The following DDX60 variants were observed in gnomAD, a reference collection of about 807,000 sequenced individuals.
DDX60 encodes probable ATP-dependent RNA helicase DDX60.
In DDX60, 165 loss-of-function variants were observed where a neutral mutation model predicts 212.8. The observed-to-expected ratio is 0.78, with a 90% CI of 0.68 to 0.88. DDX60 has a LOEUF of 0.88. Ranked by LOEUF, DDX60 falls within the 40% of genes least tolerant of loss-of-function variation. The pLI, the probability that DDX60 is intolerant of heterozygous loss-of-function variation, is 0.00. For synonymous variants in DDX60, 703 were observed against 685.3 expected, an observed-to-expected ratio of 1.03 and a Z score of -0.40; for missense variants, 1,905 against 2,003.9, an observed-to-expected ratio of 0.95 and a Z score of 0.94.
chr4:168,244,863 T>C lies in DDX60; in HGVS notation c.4164+1555A>G, dbSNP rs1733969824. On this transcript the variant is annotated intron_variant, in intron 30 of 37. Transcript: ENST00000393743. Reference sequence around the variant, plus strand: ...GACCATCAGTGATATGGAAGGTAAGTTTTATGTTTTCTCATAAAAAAAAAT... The same window carrying C: ...GACCATCAGTGATATGGAAGGTAAGCTTTATGTTTTCTCATAAAAAAAAAT... Among the ~76,000 whole-genome samples, 4 of 151,798 alleles carry C rather than the reference T, an allele frequency of 2.6e-5. No homozygotes were observed. The Admixed American group carries it at 2.6e-4, about 10-fold the overall frequency.
chr4:168,277,757 C>A (rs1049261228), intron 14 of DDX60, among the ~76,000 whole-genome samples: 1 of 143,578 alleles, frequency 7.0e-6, no homozygotes, highest in Non-Finnish European at 1.5e-5. Flanking sequence ...TGCAGTGAGC[C>A]GAGATAGTGC....
upstream of DDX60, among the ~76,000 whole-genome samples, chr4:168,319,017 A>C (rs1422655840): frequency 6.6e-6 from 1 of 152,228 alleles, no homozygotes; most frequent in Non-Finnish European, 1.5e-5. Flanking sequence ...AGTTAACAAT[A>C]ATGCATATTT....
chr4:168,272,020 C>T (rs2149519062), intron 19 of DDX60, 23 bp downstream of exon 19: 2 of 1,540,550 alleles, frequency 1.3e-6, no homozygotes, highest in Non-Finnish European at 8.8e-7. Context: ...GGGAATTAAG[C>T]AAAGAAAGAA....
chr4:168,309,121 C>T (rs1184525170), intron 3 of DDX60, among the ~76,000 whole-genome samples: 1 of 152,194 alleles, frequency 6.6e-6, no homozygotes, highest in East Asian at 1.9e-4. Flanking sequence ...TTTGTAGCCA[C>T]TTCTTGTTGT....
intron 37 of DDX60, among the ~76,000 whole-genome samples, chr4:168,217,543 C>T (rs1202676679): frequency 6.6e-6 from 1 of 152,052 alleles, no homozygotes; most frequent in Non-Finnish European, 1.5e-5. Flanking sequence ...CCCCAGAAAC[C>T]GATGAATAGG....
chr4:168,299,254 A>C (rs1736546483), intron 6 of DDX60, among the ~76,000 whole-genome samples: 2 of 152,004 alleles, frequency 1.3e-5, no homozygotes, highest in Admixed American at 1.3e-4. Context: ...AAGGAAATAC[A>C]AACTAAAATT....
At chr4:168,277,604 G>A (rs950962631) in intron 14 of DDX60, among the ~76,000 whole-genome samples, 28 of 151,992 alleles carry the variant, frequency 1.8e-4, no homozygotes, top group African/African-American at 5.5e-4. Flanking sequence ...TTGGGAGGCC[G>A]AGGCGGGCAG....
At chr4:168,298,847 GA>G (rs1046105174) in intron 6 of DDX60, among the ~76,000 whole-genome samples, 5 of 147,016 alleles carry the variant, frequency 3.4e-5, no homozygotes, top group South Asian at 2.1e-4. Context: ...AAAGGTAGTG[GA>G]AAAAAAAAAG....
In DDX60 at chr4:168,272,050, A is replaced by C; in HGVS notation, c.2663T>G (p.Phe888Cys). ...AAAGAACACCAAACCTACCTCATCA[A>C]ATATAACATATCTGATCTTTTTCAC... is the stretch of plus-strand genomic sequence containing the variant. ...NWVKKIRYVI[F>C]DEVHCLGGEI... Residue 888 changes from phenylalanine to cysteine, a missense_variant, in exon 19 of 38, where the codon TTT becomes TGT. Physicochemically the swap from Phe to Cys is radical, Grantham distance 205 (BLOSUM62 -2). Coordinates refer to ENST00000393743, the MANE Select transcript of DDX60 (RefSeq NM_017631.6). 5 of 1,576,824 alleles carry C rather than the reference A, an allele frequency of 3.2e-6. No individual in the cohort carries two copies. The highest frequency in any genetic ancestry group is 4.3e-6 in the Non-Finnish European group (5 of 1,158,226).
intron 6 of DDX60, among the ~76,000 whole-genome samples, chr4:168,294,995 A>G (rs887338176): frequency 6.6e-6 from 1 of 152,214 alleles, no homozygotes; most frequent in Non-Finnish European, 1.5e-5. Context: ...AATTATACCA[A>G]TAATTAGGCA....
intron 3 of DDX60, among the ~76,000 whole-genome samples, chr4:168,309,379 T>C (rs1460319062): frequency 1.3e-5 from 2 of 152,214 alleles, no homozygotes; most frequent in Non-Finnish European, 2.9e-5. Context: ...TGCTTGCAGC[T>C]ATAGTTGCCC....
At position 168,275,443 on chromosome 4, in the gene DDX60, C is replaced by T; in HGVS notation, c.2206G>A (p.Ala736Thr). The part of the protein sequence containing the change: ...RNKYSVGIGP[A>T]RFQLQYMGHY... ...CCCATGTATTGCAGTTGGAACCGAGCTGGCCCAATGCCAACTGAATATTTA... is the reference window on the plus strand; with the variant it reads ...CCCATGTATTGCAGTTGGAACCGAGTTGGCCCAATGCCAACTGAATATTTA... The change falls in exon 16 of 38, where the codon GCT becomes ACT. Residue 736 changes from alanine (A) to threonine (T), a missense_variant. Physicochemically the swap from Ala to Thr is moderately conservative, Grantham distance 58. Coordinates refer to ENST00000393743, the MANE Select transcript of DDX60 (RefSeq NM_017631.6). The T allele has an allele frequency of 6.2e-7, 1 of 1,612,560 alleles. No homozygotes were observed. The highest frequency in any genetic ancestry group is 8.5e-7 in the Non-Finnish European group (1 of 1,179,306).
chr4:168,273,249 A>G, intron 18 of DDX60, 30 bp downstream of exon 18: 1 of 1,603,326 alleles, frequency 6.2e-7, no homozygotes, highest in Non-Finnish European at 8.5e-7. Flanking sequence ...ATATAATTTG[A>G]TAACACACTT....
chr4:168,250,054 A>G (rs963338632), intron 28 of DDX60, among the ~76,000 whole-genome samples: 1 of 152,234 alleles, frequency 6.6e-6, no homozygotes, highest in Non-Finnish European at 1.5e-5. Context: ...AAGCTCCTTC[A>G]TGAATTTATC....
In DDX60 at chr4:168,308,089, T is replaced by A. The variant is rs1000634802; in HGVS notation, c.181A>T (p.Asn61Tyr). Residue 61 changes from asparagine (N) to tyrosine (Y), a missense_variant, in exon 4 of 38, where the codon AAC (asparagine) becomes TAC (tyrosine). By Grantham distance (143) the Asn-to-Tyr change is moderately radical. Coordinates refer to ENST00000393743, the MANE Select transcript of DDX60 (RefSeq NM_017631.6). ...TCAACCAGATAGAAGAAATGGAGGT[T>A]CTGCCCAGGCTTAAATGATATCTCA... The part of the protein sequence containing the change: ...ICEISFKPGQ[N>Y]LHFFYLVERY... The A allele has an allele frequency of 6.8e-6, 11 of 1,612,076 alleles. No individual in the cohort carries two copies. The highest frequency in any genetic ancestry group is 9.3e-6 in the Non-Finnish European group (11 of 1,179,376).
chr4:168,312,895 G>A (rs1737204351), intron 1 of DDX60, among the ~76,000 whole-genome samples: 1 of 152,122 alleles, frequency 6.6e-6, no homozygotes, highest in Non-Finnish European at 1.5e-5. Flanking sequence ...AATTACTGTG[G>A]GCTGGGGAGT....
intron 25 of DDX60, among the ~76,000 whole-genome samples, chr4:168,257,383 A>G (rs1202211297): frequency 1.3e-5 from 2 of 152,156 alleles, no homozygotes; most frequent in Non-Finnish European, 2.9e-5. Context: ...CTCATTTAGT[A>G]CTCACAACAA....
At chr4:168,299,002 A>C (rs1736529363) in intron 6 of DDX60, among the ~76,000 whole-genome samples, 1 of 151,982 alleles carries the variant, frequency 6.6e-6, no homozygotes, top group South Asian at 2.1e-4. Context: ...CTCTACTAAA[A>C]ATACAAAAAT....
intron 1 of DDX60, 139 bp downstream of exon 1, chr4:168,318,483 A>G (rs1344752621): frequency 2.0e-5 from 3 of 152,326 alleles, no homozygotes; most frequent in Non-Finnish European, 4.4e-5. Context: ...TTGCGATCCC[A>G]GGAGGTTCCC....
Sources: gnomAD v4.1 joint callset for allele counts (sites outside exome capture counted in the v4.1 genomes callset) on GRCh38, gnomAD v4.1.1 for gene constraint, MANE v1.5 for transcripts, NCBI Gene and HGNC (gene_info 2026-07-23, HGNC 2026-07-21) for gene names.